GSK3A: variants seen among roughly 807,000 people sequenced by gnomAD.
GSK3A encodes glycogen synthase kinase-3 alpha.
A neutral mutation model predicts 56.6 loss-of-function variants in GSK3A; 14 were observed. That is an observed-to-expected ratio of 0.25 (90% confidence interval 0.16 to 0.39). GSK3A has a LOEUF of 0.39. Among genes scored for constraint, GSK3A ranks in the 10% least tolerant of loss-of-function variants. The pLI is 1.00. For synonymous variants in GSK3A, 301 were observed against 285.0 expected, an observed-to-expected ratio of 1.06 and a Z score of -0.56; for missense variants, 450 against 656.0, an observed-to-expected ratio of 0.69 and a Z score of 3.43.
chr19:42,232,320 G>A (rs867363134), intron 9 of GSK3A, among the ~76,000 whole-genome samples, 171 bp from the exon 10 acceptor site: 3 of 152,162 alleles, frequency 2.0e-5, no homozygotes, highest in African/African-American at 7.2e-5. Flanking sequence ...TCACAGTAAA[G>A]CACAACTGAA....
chr19:42,230,737 C>T lies in GSK3A; in HGVS notation c.*57G>A, dbSNP rs2036217889. On this transcript the variant is annotated 3_prime_UTR_variant, in exon 11 of 11. Transcript: ENST00000222330. The stretch of plus-strand genomic sequence containing the variant: ...AGGAGCTTGATGGGCTATGGCCCCC[C>T]TTCCCAGCCCCTCTTGGGGCTCCCA... The T allele has an allele frequency of 7.4e-7, 1 of 1,347,682 alleles. No individual in the cohort carries two copies. The highest frequency in any genetic ancestry group is 1.0e-6 in the Non-Finnish European group (1 of 960,998). The allele number at this position is 1,347,682 out of a possible 1,614,324, so 83.5% of individuals were successfully genotyped here.
At chr19:42,237,529 A>G (rs2036264929) in intron 2 of GSK3A, among the ~76,000 whole-genome samples, 2 of 151,760 alleles carry the variant, frequency 1.3e-5, no homozygotes, top group Non-Finnish European at 1.5e-5. Flanking sequence ...TATTGCTGAC[A>G]TGTAAAAGCC....
chr19:42,232,473 C>T (rs1420986270), intron 9 of GSK3A, 23 bp downstream of exon 9: 1 of 1,612,136 alleles, frequency 6.2e-7, no homozygotes, highest in African/African-American at 1.3e-5. Context: ...CCCCACTCCC[C>T]AGATCCCAGG....
At chr19:42,241,900 C>A (rs2036294218) in intron 1 of GSK3A, 2 of 337,854 alleles carry the variant, frequency 5.9e-6, no homozygotes, top group South Asian at 3.0e-4. Flanking sequence ...ACATCAGATA[C>A]CTGTTCTTAA....
chr19:42,234,312 C>T lies in GSK3A; in HGVS notation c.904+41G>A. 1 of 1,472,176 alleles carries T rather than the reference C, an allele frequency of 6.8e-7. No individual in the cohort carries two copies. Among genetic ancestry groups the T allele is most frequent in the South Asian group, 1.1e-5 (1 of 88,240 alleles). The allele number at this position is 1,472,176 out of a possible 1,614,324, so 91.2% of individuals were successfully genotyped here. A position where few individuals can be genotyped will look rare whatever the true frequency, so the allele number is the denominator to read the frequency against. On this transcript the variant is annotated intron_variant, in intron 6 of 10. Coordinates refer to ENST00000222330, the MANE Select transcript of GSK3A (RefSeq NM_019884.3). The surrounding 1 kb of genome is among the most constrained non-coding windows in gnomAD (Gnocchi z 5.7). Reference sequence around the variant, plus strand: ...AGCACACAGAAAACTCCAAAACTTCCCAGATTGCCACTCCCCCCGCCACCC... The same window carrying T: ...AGCACACAGAAAACTCCAAAACTTCTCAGATTGCCACTCCCCCCGCCACCC...
chr19:42,242,282 C>A lies in GSK3A; in HGVS notation c.184G>T (p.Ala62Ser). ...SVGAMGGGVG[A>S]SSSGGGPGGS... ...CCGGGTCCACCCCCGGAGCTCGAGG[C>A]CCCGACGCCCCCACCCATGGCCCCG... Residue 62 changes from alanine (A) to serine (S), a missense_variant, in exon 1 of 11, where the codon GCC becomes TCC. Physicochemically the swap from Ala to Ser is moderately conservative, Grantham distance 99. Around this residue, in one of 3 missense-constraint regions of GSK3A, gnomAD observed 193 missense variants for 200.5 expected, o/e 0.96. Transcript: ENST00000222330. 2 of 1,437,902 alleles carry A rather than the reference C, an allele frequency of 1.4e-6. No individual in the cohort carries two copies. The highest frequency in any genetic ancestry group is 1.8e-6 in the Non-Finnish European group (2 of 1,101,764). 89.1% of individuals were successfully genotyped at this position (1,437,902 alleles called of 1,614,324 possible).
Position 42,242,200 on chromosome 19 carries a change from G to A in GSK3A, c.266C>T (p.Pro89Leu). The change falls in exon 1 of 11, where the codon CCC (proline) becomes CTC (leucine). Residue 89 changes from proline (P) to leucine (L), a missense_variant. This residue lies in a region of GSK3A where 193 missense variants were observed against 200.5 expected (regional missense o/e 0.96). Coordinates refer to ENST00000222330, the MANE Select transcript of GSK3A (RefSeq NM_019884.3). Reference protein sequence around the residue: ...GPGAGTSFPPPGVKLGRDSGK... With the variant: ...GPGAGTSFPPLGVKLGRDSGK... ...GTACTCACGGCCCAGCTTCACCCCG[G>A]GCGGCGGGAAGCTAGTGCCTGCGCC... 1 of 1,436,042 alleles carries A rather than the reference G, an allele frequency of 7.0e-7. No individual in the cohort carries two copies. Among genetic ancestry groups the A allele is most frequent in the Non-Finnish European group, 9.1e-7 (1 of 1,098,952 alleles). 89.0% of individuals were successfully genotyped at this position (1,436,042 alleles called of 1,614,324 possible).
intron 4 of GSK3A, 75 bp downstream of exon 4, chr19:42,236,531 T>C (rs2036258156): frequency 4.6e-6 from 4 of 878,830 alleles, no homozygotes; most frequent in Non-Finnish European, 7.8e-6. Context: ...GGATGAGGGA[T>C]CCCATAAAAG....
chr19:42,231,796 G>A (rs1458751447), intron 10 of GSK3A, among the ~76,000 whole-genome samples: 1 of 151,880 alleles, frequency 6.6e-6, no homozygotes, highest in Non-Finnish European at 1.5e-5. Context: ...AACAAACTTG[G>A]GCAACGAATT....
At chr19:42,242,112 G>T (rs1252669134) in intron 1 of GSK3A, 71 bp downstream of exon 1, 1 of 1,241,814 alleles carries the variant, frequency 8.1e-7, no homozygotes. Flanking sequence ...GCACATGAAA[G>T]AATCTGATGG....
chr19:42,239,059 T>C (rs74758194), intron 2 of GSK3A, among the ~76,000 whole-genome samples: 37 of 152,232 alleles, frequency 2.4e-4, no homozygotes, highest in Non-Finnish European at 4.9e-4. Context: ...CAGCTCACTC[T>C]GGTCCCGTGG....
chr19:42,236,230 A>G (rs1244899282), intron 4 of GSK3A, among the ~76,000 whole-genome samples: 5 of 152,004 alleles, frequency 3.3e-5, no homozygotes, highest in African/African-American at 1.2e-4. Flanking sequence ...ACCCCCAGCC[A>G]AGGCTCTAAA....
intron 2 of GSK3A, among the ~76,000 whole-genome samples, chr19:42,237,229 G>A (rs979220051): frequency 7.9e-5 from 12 of 151,572 alleles, no homozygotes; most frequent in African/African-American, 2.7e-4. Context: ...CTCAATATCG[G>A]CTCACTGCAA....
At chr19:42,237,088 C>T in intron 2 of GSK3A, 147 bp from the exon 3 acceptor site, 2 of 661,942 alleles carry the variant, frequency 3.0e-6, no homozygotes, top group East Asian at 2.7e-5. Flanking sequence ...TCCTTGTCTC[C>T]AGACTATTCC....
chr19:42,233,400 G>A lies in GSK3A; in HGVS notation c.905-17C>T, dbSNP rs1216867331. 10 of 1,522,820 alleles carry A rather than the reference G, an allele frequency of 6.6e-6. No homozygotes were observed. Among genetic ancestry groups the A allele is most frequent in the Non-Finnish European group, 7.2e-6 (8 of 1,117,344 alleles). The allele number at this position is 1,522,820 out of a possible 1,614,324, so 94.3% of individuals were successfully genotyped here. A position where few individuals can be genotyped will look rare whatever the true frequency, so the allele number is the denominator to read the frequency against. On this transcript the variant is annotated splice_polypyrimidine_tract_variant and intron_variant, in intron 6 of 10. Transcript: ENST00000222330. ...ACCAAACATCTGAGGGGAAATGGAGGGAGCGTCAGGGCTAGGCGAGTAGGG... is the reference window on the plus strand; with the variant it reads ...ACCAAACATCTGAGGGGAAATGGAGAGAGCGTCAGGGCTAGGCGAGTAGGG...
chr19:42,241,493 G>A (rs1378606026), intron 1 of GSK3A: 1 of 152,160 alleles, frequency 6.6e-6, no homozygotes, highest in African/African-American at 2.4e-5. Context: ...ACCAAGCCAT[G>A]TATTTTAAAA....
At chr19:42,240,484 CTGG>C (rs1443730028) in intron 1 of GSK3A, 16 of 502,070 alleles carry the variant, frequency 3.2e-5, no homozygotes, top group Non-Finnish European at 7.1e-6. Context: ...TCCATCTACT[CTGG>C]ATCTACTGCC....
At chr19:42,233,053 C>T in intron 8 of GSK3A, 57 bp downstream of exon 8, 1 of 1,138,212 alleles carries the variant, frequency 8.8e-7, no homozygotes, top group Non-Finnish European at 1.3e-6. Flanking sequence ...GAACAGTTGA[C>T]CTCCAAGGGG....
intron 6 of GSK3A, 72 bp from the exon 7 acceptor site, chr19:42,233,455 A>G (rs1216358847): frequency 9.0e-6 from 9 of 999,554 alleles, no homozygotes; most frequent in South Asian, 4.4e-5. Flanking sequence ...TTTATTCCTC[A>G]TGGCCATCCT....
Sources: allele counts gnomAD v4.1 joint callset (sites outside exome capture counted in the v4.1 genomes callset), GRCh38; gene constraint gnomAD v4.1.1; regional missense constraint gnomAD v4.1.1; non-coding constraint Gnocchi (gnomAD v3.1); transcripts MANE v1.5; gene names NCBI Gene and HGNC (gene_info 2026-07-23, HGNC 2026-07-21).